The following UBN2 variants were observed in gnomAD, a reference collection of about 807,000 sequenced individuals.
UBN2 encodes ubinuclein 2, also known as ubinuclein-2.
In UBN2, 35 loss-of-function variants were observed where a neutral mutation model predicts 120.2. The observed-to-expected ratio is 0.29, with a 90% CI of 0.22 to 0.39. UBN2 has a LOEUF of 0.39. Among genes scored for constraint, UBN2 ranks in the 10% least tolerant of loss-of-function variants. The pLI is 1.00. For synonymous variants in UBN2, 661 were observed against 648.7 expected, an observed-to-expected ratio of 1.02 and a Z score of -0.29; for missense variants, 1,693 against 1,663.2, an observed-to-expected ratio of 1.02 and a Z score of -0.31.
At chr7:139,295,928 A>G (rs1251532401) in intron 17 of UBN2, among the ~76,000 whole-genome samples, 1 of 152,118 alleles carries the variant, frequency 6.6e-6, no homozygotes, top group East Asian at 1.9e-4. Flanking sequence ...CCCCCCCAAA[A>G]AAAAAAGTTT....
intron 3 of UBN2, among the ~76,000 whole-genome samples, chr7:139,258,178 C>T (rs1796819992): frequency 6.6e-6 from 1 of 152,128 alleles, no homozygotes; most frequent in African/African-American, 2.4e-5. Context: ...AACCATTTGT[C>T]ATTAAGAATA....
chr7:139,246,123 A>AG (rs1160604677), intron 2 of UBN2, among the ~76,000 whole-genome samples: 2 of 152,064 alleles, frequency 1.3e-5, no homozygotes, highest in Non-Finnish European at 2.9e-5. Context: ...CCAGCACTTT[A>AG]GGAGGCCAAG....
At chr7:139,295,731 T>G (rs1384876410) in intron 17 of UBN2, among the ~76,000 whole-genome samples, 1 of 152,106 alleles carries the variant, frequency 6.6e-6, no homozygotes, top group Non-Finnish European at 1.5e-5. Flanking sequence ...ACCAACCTGG[T>G]CAACATGGTG....
the UBN2 span, among the ~76,000 whole-genome samples, chr7:139,323,585 TATTATTATTA>T: frequency 1.4e-5 from 2 of 145,784 alleles, no homozygotes; most frequent in African/African-American, 2.6e-5. Context: ...TTATTATTAT[TATTATTATTA>T]TTATTATTTT....
intron 15 of UBN2, 107 bp downstream of exon 15, chr7:139,284,681 T>C: frequency 8.0e-6 from 8 of 1,002,410 alleles, no homozygotes; most frequent in Non-Finnish European, 1.1e-5. Flanking sequence ...TTGTTCTCAA[T>C]TGGCTTATTA....
At chr7:139,248,333 C>T (rs1166434216) in intron 2 of UBN2, among the ~76,000 whole-genome samples, 3 of 152,124 alleles carry the variant, frequency 2.0e-5, no homozygotes, top group East Asian at 1.9e-4. Flanking sequence ...TGCAAAGTCT[C>T]ATGGCAGATG....
At position 139,304,725 on chromosome 7, in the gene UBN2, GTGTGTGTGTGTGTGTC is replaced by G. The variant is rs1353176931; in HGVS notation, c.*6893_*6908del. On this transcript the variant is annotated 3_prime_UTR_variant, in exon 18 of 18. Coordinates refer to ENST00000473989, the MANE Select transcript of UBN2 (RefSeq NM_173569.4). ...TGATAGGGTGTGTGTGTGTGTGTGT[GTGTGTGTGTGTGTGTC>G]TGTAAGTCACTTTTTGGATTTTTGT... 6.6e-6 allele frequency: 1 copy of G among 152,174 alleles called. No homozygotes were observed. Among genetic ancestry groups the G allele is most frequent in the African/African-American group, 2.4e-5 (1 of 41,328 alleles). 9.4% of individuals were successfully genotyped at this position (152,174 alleles called of 1,614,324 possible). A position where few individuals can be genotyped will look rare whatever the true frequency, so the allele number is the denominator to read the frequency against.
At chr7:139,248,298 G>T (rs757372154) in intron 2 of UBN2, among the ~76,000 whole-genome samples, 5 of 152,062 alleles carry the variant, frequency 3.3e-5, no homozygotes, top group Non-Finnish European at 5.9e-5. Context: ...CATGGAAGAG[G>T]CAGAAGAAGA....
At position 139,283,934 on chromosome 7, in the gene UBN2, C is replaced by T; in HGVS notation, c.3029C>T (p.Ser1010Phe). The T allele has an allele frequency of 1.2e-6, 2 of 1,614,134 alleles. No individual in the cohort carries two copies. Among genetic ancestry groups the T allele is most frequent in the Admixed American group, 1.7e-5 (1 of 60,012 alleles). ...AGGACAGTACCTAGCACCACTACCT[C>T]CAGTAACTATTTAGCCAAGGCTATG... Reference protein sequence around the residue: ...VSRTVPSTTTSSNYLAKAMVS... With the variant: ...VSRTVPSTTTFSNYLAKAMVS... Residue 1010 changes from serine (S) to phenylalanine (F), a missense_variant, in exon 15 of 18, where the codon TCC (serine) becomes TTC (phenylalanine). Coordinates refer to ENST00000473989, the MANE Select transcript of UBN2 (RefSeq NM_173569.4).
At position 139,293,958 on chromosome 7, in the gene UBN2, C is replaced by G; in HGVS notation, c.3971C>G (p.Ala1324Gly). Reference sequence around the variant, plus strand: ...ACGCTTTCCCACTCACCTCTGCCTGCACACTTACAGCAAGCATTTCACGGT... The same window carrying G: ...ACGCTTTCCCACTCACCTCTGCCTGGACACTTACAGCAAGCATTTCACGGT... ...AATLSHSPLPAHLQQAFHDGG... is the reference protein window; with the variant it reads ...AATLSHSPLPGHLQQAFHDGG... Residue 1324 changes from alanine to glycine, a missense_variant, in exon 17 of 18, where the codon GCA becomes GGA. Around this residue, in one of 5 missense-constraint regions of UBN2, gnomAD observed 837 missense variants for 817.6 expected, o/e 1.02. Transcript: ENST00000473989. 1 of 1,614,146 alleles carries G rather than the reference C, an allele frequency of 6.2e-7. No individual in the cohort carries two copies. The highest frequency in any genetic ancestry group is 1.1e-5 in the South Asian group (1 of 91,082).
chr7:139,233,940 A>G (rs1258455639), intron 1 of UBN2, among the ~76,000 whole-genome samples: 1 of 152,026 alleles, frequency 6.6e-6, no homozygotes, highest in African/African-American at 2.4e-5. Flanking sequence ...TCGTATATCA[A>G]CCTTCTATTT....
intron 15 of UBN2, among the ~76,000 whole-genome samples, chr7:139,290,244 A>G (rs1398070909): frequency 6.6e-6 from 1 of 152,056 alleles, no homozygotes; most frequent in Non-Finnish European, 1.5e-5. Flanking sequence ...AACTCTGGTT[A>G]ATTTTTAAGT....
intron 8 of UBN2, 22 bp downstream of exon 8, chr7:139,269,545 T>A: frequency 6.2e-7 from 1 of 1,611,944 alleles, no homozygotes; most frequent in Non-Finnish European, 8.5e-7. Flanking sequence ...AACAATAATA[T>A]CTACATCTTG....
rs181546035 is a variant in UBN2, at chr7:139,302,379, G to A, written c.*4543G>A. Reference sequence around the variant, plus strand: ...TCCATTGCTTTTAGTTGATTAAAGTGGGTGGATTAGAAAAGTATCTTTTCG... The same window carrying A: ...TCCATTGCTTTTAGTTGATTAAAGTAGGTGGATTAGAAAAGTATCTTTTCG... On this transcript the variant is annotated 3_prime_UTR_variant, in exon 18 of 18. Transcript: ENST00000473989. 6.6e-6 allele frequency: 1 copy of A among 152,272 alleles called. No individual in the cohort carries two copies. The highest frequency in any genetic ancestry group is 2.4e-5 in the African/African-American group (1 of 41,554). The allele number at this position is 152,272 out of a possible 1,614,324, so 9.4% of individuals were successfully genotyped here. A position where few individuals can be genotyped will look rare whatever the true frequency, so the allele number is the denominator to read the frequency against.
intron 15 of UBN2, among the ~76,000 whole-genome samples, chr7:139,288,978 G>A (rs970576275): frequency 7.0e-6 from 1 of 142,584 alleles, no homozygotes; most frequent in Non-Finnish European, 1.5e-5. Flanking sequence ...GTCCAGCCTG[G>A]CAACAGAGGG....
chr7:139,253,995 G>A (rs534179041), intron 3 of UBN2, among the ~76,000 whole-genome samples: 3 of 152,278 alleles, frequency 2.0e-5, no homozygotes, highest in Non-Finnish European at 2.9e-5. Context: ...AAACTCCTAA[G>A]TTAATTCTGC....
intron 2 of UBN2, among the ~76,000 whole-genome samples, chr7:139,240,579 C>T (rs1203546836): frequency 2.0e-5 from 3 of 151,886 alleles, no homozygotes; most frequent in South Asian, 4.1e-4. Flanking sequence ...CACAAAATCT[C>T]TCTCTTAAAC....
At chr7:139,313,151 T>TC (rs1472992124), downstream of UBN2, among the ~76,000 whole-genome samples, 4 of 152,188 alleles carry the variant, frequency 2.6e-5, no homozygotes, top group Non-Finnish European at 4.4e-5. Flanking sequence ...AATAAAATTT[T>TC]CCACTTCCAT....
downstream of UBN2, among the ~76,000 whole-genome samples, chr7:139,310,819 A>C (rs991332387): frequency 6.6e-6 from 1 of 152,244 alleles, no homozygotes; most frequent in African/African-American, 2.4e-5. Context: ...CACTGTATCT[A>C]GCATTTTTCA....
Sources: allele counts gnomAD v4.1 joint callset (sites outside exome capture counted in the v4.1 genomes callset), GRCh38; gene constraint gnomAD v4.1.1; regional missense constraint gnomAD v4.1.1; transcripts MANE v1.5; gene names NCBI Gene and HGNC (gene_info 2026-07-23, HGNC 2026-07-21).